The following CHD9 variants were observed in gnomAD, a reference collection of about 807,000 sequenced individuals.
CHD9 encodes ATP-dependent chromatin remodeler CHD9.
In CHD9, 77 loss-of-function variants were observed where a neutral mutation model predicts 316.1. The observed-to-expected ratio is 0.24, with a 90% confidence interval of 0.20 to 0.29. The LOEUF is 0.29. Among genes scored for constraint, CHD9 ranks in the 10% least tolerant of loss-of-function variants. CHD9 has a pLI of 1.00. For missense variants in CHD9, 2,763 were observed against 3,438.1 expected, an observed-to-expected ratio of 0.80 and a Z score of 4.91; for synonymous variants, 1,129 against 1,158.3, an observed-to-expected ratio of 0.97 and a Z score of 0.51.
At position 53,297,153 on chromosome 16, in the gene CHD9, A is replaced by C; in HGVS notation, c.5708A>C (p.Lys1903Thr). 6.2e-7 allele frequency: 1 copy of C among 1,611,478 alleles called. No homozygotes were observed. The highest frequency in any genetic ancestry group is 1.1e-5 in the South Asian group (1 of 90,842). The change falls in exon 30 of 39, where the codon AAA becomes ACA. Residue 1903 changes from lysine to threonine, a missense_variant. Lys to Thr is a moderately conservative substitution (Grantham distance 78). Around this residue, in one of 15 missense-constraint regions of CHD9, gnomAD observed 663 missense variants for 751.2 expected, o/e 0.88. Coordinates refer to ENST00000447540, the MANE Select transcript of CHD9 (RefSeq NM_001308319.2). ...CGGAGGGTTTGTCGTCTTCCTTCCA[A>C]AGAAGGTATGTATAAAATTTCTTTT... Reference protein sequence around the residue: ...MCRRVCRLPSKEELVDPNIFI... With the variant: ...MCRRVCRLPSTEELVDPNIFI...
chr16:53,094,064 C>A (rs1174115431), intron 1 of CHD9, among the ~76,000 whole-genome samples: 3 of 152,186 alleles, frequency 2.0e-5, no homozygotes, highest in Non-Finnish European at 2.9e-5. Context: ...CAGCACATGG[C>A]CAGTGGGGCC....
chr16:53,059,173 G>T (rs893394544), intron 1 of CHD9, among the ~76,000 whole-genome samples: 1 of 152,212 alleles, frequency 6.6e-6, no homozygotes. Context: ...ATCTCAGGAC[G>T]TGGGCTGGAG....
rs748273553 is a variant in CHD9, at chr16:53,324,123, C to A, written c.7922C>A (p.Ala2641Asp). ...GRRPKSGIAK[A>D]TAAAAAASAT... ...CGGCCTAAAAGTGGAATTGCAAAGG[C>A]CACAGCAGCAGCAGCTGCTGCATCT... is the stretch of plus-strand genomic sequence containing the variant. Residue 2641 changes from alanine (A) to aspartate (D), a missense_variant, in exon 39 of 39, where the codon GCC (alanine) becomes GAC (aspartate). Around this residue, in one of 15 missense-constraint regions of CHD9, gnomAD observed 298 missense variants for 380.2 expected, o/e 0.78. Transcript: ENST00000447540. 3.1e-6 allele frequency: 5 copies of A among 1,613,936 alleles called. No homozygotes were observed. The South Asian group carries it at 5.5e-5, about 18-fold the overall frequency.
chr16:53,066,903 A>G (rs1307085592), intron 1 of CHD9, among the ~76,000 whole-genome samples: 1 of 152,204 alleles, frequency 6.6e-6, no homozygotes, highest in Non-Finnish European at 1.5e-5. Context: ...AGACAATACT[A>G]CAGAATTCCC....
At chr16:53,306,491 T>A (rs2153085774) in intron 32 of CHD9, 94 bp downstream of exon 32, 1 of 1,051,448 alleles carries the variant, frequency 9.5e-7, no homozygotes, top group East Asian at 3.0e-5. Flanking sequence ...GAAACATAGG[T>A]CAGCGTAAAA....
intron 3 of CHD9, among the ~76,000 whole-genome samples, chr16:53,216,366 AAGTC>A (rs1392928484): frequency 3.7e-4 from 57 of 152,266 alleles, no homozygotes; most frequent in African/African-American, 1.3e-3. Flanking sequence ...GATTTTATGA[AAGTC>A]AGGTAAATTT....
chr16:53,253,226 G>GTA (rs34959429), intron 17 of CHD9, among the ~76,000 whole-genome samples: 42,693 of 148,954 alleles, frequency 0.29, 5,967 homozygotes, highest in Middle Eastern at 0.31. Flanking sequence ...ATATGTGTGT[G>GTA]TATATATATA....
intron 2 of CHD9, among the ~76,000 whole-genome samples, chr16:53,169,900 T>C (rs968873666): frequency 1.3e-5 from 2 of 152,214 alleles, no homozygotes; most frequent in Non-Finnish European, 2.9e-5. Flanking sequence ...TTAGTTGTTA[T>C]GTCTCTTTAA....
At chr16:53,148,690 G>A (rs1265122028) in intron 1 of CHD9, among the ~76,000 whole-genome samples, 1 of 152,146 alleles carries the variant, frequency 6.6e-6, no homozygotes, top group African/African-American at 2.4e-5. Flanking sequence ...AAATTGGGTT[G>A]TCTTTCTGAT....
intron 31 of CHD9, among the ~76,000 whole-genome samples, chr16:53,305,174 GC>G (rs2055843476): frequency 6.6e-6 from 1 of 152,152 alleles, no homozygotes; most frequent in Non-Finnish European, 1.5e-5. Flanking sequence ...CGATTCTCCT[GC>G]CTCAGCCTCC....
rs373584632 is a variant in CHD9 at position 53,303,751 on chromosome 16, C to A, written c.5745C>A (p.Pro1915=). ...TGGATCCAAATATTTTTATCCAGCC[C>A]ATCACAGAAGAACGTGCTTCTAGGA... ...ELVDPNIFIQ[P]ITEERASRTL... is the part of the protein sequence containing the mutation. Residue 1915 remains proline, a synonymous_variant, in exon 31 of 39, where the codon CCC becomes CCA. Transcript: ENST00000447540. 35 of 1,610,846 alleles carry A rather than the reference C, an allele frequency of 2.2e-5. No homozygotes were observed. Among genetic ancestry groups the A allele is most frequent in the Admixed American group, 5.0e-5 (3 of 59,706 alleles).
At chr16:53,091,006 C>CG (rs923553405) in intron 1 of CHD9, among the ~76,000 whole-genome samples, 10 of 151,878 alleles carry the variant, frequency 6.6e-5, no homozygotes, top group South Asian at 2.1e-4. Flanking sequence ...AGCTCACCCC[C>CG]CCCCGACTGA....
intron 1 of CHD9, chr16:53,121,531 C>T: frequency 2.4e-6 from 1 of 417,300 alleles, no homozygotes; most frequent in Non-Finnish European, 4.8e-6. Context: ...AGGGGATAAA[C>T]TAGATAAAAC....
chr16:53,241,788 C>G (rs573403225), intron 12 of CHD9, among the ~76,000 whole-genome samples: 1 of 152,312 alleles, frequency 6.6e-6, no homozygotes, highest in East Asian at 1.9e-4. Flanking sequence ...AGCTTTTTAA[C>G]TGTTCTCCAT....
At chr16:53,218,868 A>C (rs2046993141) in intron 3 of CHD9, among the ~76,000 whole-genome samples, 1 of 152,190 alleles carries the variant, frequency 6.6e-6, no homozygotes, top group Non-Finnish European at 1.5e-5. Context: ...TTTAAGTTGG[A>C]GATTGATAGC....
chr16:53,201,068 G>A (rs376236781), intron 2 of CHD9, among the ~76,000 whole-genome samples: 52 of 152,196 alleles, frequency 3.4e-4, no homozygotes, highest in African/African-American at 1.2e-3. Context: ...TGATGGAACT[G>A]GAACCAGAAC....
At chr16:53,116,080 GAC>G (rs2152634490) in intron 1 of CHD9, among the ~76,000 whole-genome samples, 1 of 152,208 alleles carries the variant, frequency 6.6e-6, no homozygotes, top group East Asian at 1.9e-4. Flanking sequence ...TTCTTTTTGA[GAC>G]AGAGTCTCAC....
intron 20 of CHD9, among the ~76,000 whole-genome samples, chr16:53,265,292 C>T (rs138370833): frequency 1.6e-3 from 240 of 152,124 alleles, no homozygotes; most frequent in African/African-American, 5.7e-3. Flanking sequence ...ATCCTAGTTA[C>T]GAAGGAGCCT....
At position 53,245,250 on chromosome 16, in the gene CHD9, C is replaced by T; in HGVS notation, c.3055-86C>T. Reference sequence around the variant, plus strand: ...GTATATATAGTCAGAAAAATATTTGCATATTGATCATTCGATAATCTAAGT... The same window carrying T: ...GTATATATAGTCAGAAAAATATTTGTATATTGATCATTCGATAATCTAAGT... On this transcript the variant is annotated intron_variant, in intron 13 of 38. Transcript: ENST00000447540. The surrounding 1 kb of genome is among the most constrained non-coding windows in gnomAD (Gnocchi z 4.1). 1 of 943,748 alleles carries T rather than the reference C, an allele frequency of 1.1e-6. No individual in the cohort carries two copies. Among genetic ancestry groups the T allele is most frequent in the Non-Finnish European group, 1.5e-6 (1 of 662,404 alleles). The allele number at this position is 943,748 out of a possible 1,614,324, so 58.5% of individuals were successfully genotyped here. A position where few individuals can be genotyped will look rare whatever the true frequency, so the allele number is the denominator to read the frequency against.
Sources: allele counts gnomAD v4.1 joint callset (sites outside exome capture counted in the v4.1 genomes callset), GRCh38; gene constraint gnomAD v4.1.1; regional missense constraint gnomAD v4.1.1; non-coding constraint Gnocchi (gnomAD v3.1); transcripts MANE v1.5; gene names NCBI Gene and HGNC (gene_info 2026-07-23, HGNC 2026-07-21).